The following RLIM variants were observed in gnomAD, a reference collection of about 807,000 sequenced individuals.
RLIM encodes the protein E3 ubiquitin-protein ligase RLIM.
In RLIM, 2 loss-of-function variants were observed where a neutral mutation model predicts 34.0. That is an observed-to-expected ratio of 0.06 (90% CI 0.02 to 0.19). The LOEUF (loss-of-function observed/expected upper bound fraction) is 0.19. Ranked by LOEUF, RLIM falls within the 10% of genes least tolerant of loss-of-function variation. The probability of loss-of-function intolerance (pLI) is 1.00; values close to 1 mark genes in which losing one functional copy is unlikely to be tolerated. For synonymous variants in RLIM, 169 were observed against 164.0 expected, an observed-to-expected ratio of 1.03 and a Z score of -0.23; for missense variants, 286 against 479.7, an observed-to-expected ratio of 0.60 and a Z score of 3.77.
At chrX:74,612,200 T>G (rs2079714742) in intron 1 of RLIM, among the ~76,000 whole-genome samples, 1 of 112,230 alleles carries the variant, frequency 8.9e-6, no homozygotes, top group Non-Finnish European at 1.9e-5. Context: ...AATTATACTC[T>G]CGTAAGCTAT....
chrX:74,608,752 A>G (rs1054060036), intron 1 of RLIM, among the ~76,000 whole-genome samples: 2 of 112,304 alleles, frequency 1.8e-5, no homozygotes, highest in African/African-American at 6.5e-5. Flanking sequence ...AAACGCTCTA[A>G]AACAGTTAAA....
Position 74,589,125 on chromosome X carries a change from A to T in RLIM, c.*2315T>A, listed in dbSNP as rs975620067. 1 of 111,784 alleles carries T rather than the reference A, an allele frequency of 8.9e-6. No individual in the cohort carries two copies. The highest frequency in any genetic ancestry group is 3.2e-5 in the African/African-American group (1 of 30,819). 9.2% of individuals were successfully genotyped at this position (111,784 alleles called of 1,213,427 possible). A position where few individuals can be genotyped will look rare whatever the true frequency, so the allele number is the denominator to read the frequency against. On this transcript the variant is annotated 3_prime_UTR_variant, in exon 4 of 4. Transcript: ENST00000332687. ...TCTGCTTGAGTTACCTCTTACTTTAATACTTCACAAATGAGTAAGTACGTC... is the reference window on the plus strand; with the variant it reads ...TCTGCTTGAGTTACCTCTTACTTTATTACTTCACAAATGAGTAAGTACGTC...
chrX:74,608,132 TG>T (rs1383404641), intron 1 of RLIM, among the ~76,000 whole-genome samples: 2 of 112,093 alleles, frequency 1.8e-5, no homozygotes, highest in East Asian at 5.6e-4. Flanking sequence ...GGTTGTAACT[TG>T]GTTATGTGGA....
chrX:74,597,984 TTCTTAATGAA>T (rs1185602759), intron 1 of RLIM, among the ~76,000 whole-genome samples: 1 of 112,278 alleles, frequency 8.9e-6, no homozygotes, highest in Non-Finnish European at 1.9e-5. Flanking sequence ...TTGATAATGT[TTCTTAATGAA>T]TCCATCCTAA....
At chrX:74,602,383 A>C (rs1290751350) in intron 1 of RLIM, among the ~76,000 whole-genome samples, 1 of 111,287 alleles carries the variant, frequency 9.0e-6, no homozygotes, top group East Asian at 2.8e-4. Flanking sequence ...GCTTTCATAG[A>C]CCACGGTGTT....
intron 1 of RLIM, among the ~76,000 whole-genome samples, chrX:74,602,097 G>A (rs1045122030): frequency 8.9e-6 from 1 of 111,871 alleles, no homozygotes; most frequent in Non-Finnish European, 1.9e-5. Context: ...TAAACAACTC[G>A]AAGCTGTGAG....
At chrX:74,599,575 G>C (rs1351397617) in intron 1 of RLIM, among the ~76,000 whole-genome samples, 1 of 111,146 alleles carries the variant, frequency 9.0e-6, no homozygotes, top group Non-Finnish European at 1.9e-5. Context: ...TGAGATTAAC[G>C]CTTTTATAAA....
chrX:74,607,385 C>A (rs1346307275), intron 1 of RLIM, among the ~76,000 whole-genome samples: 1 of 112,580 alleles, frequency 8.9e-6, no homozygotes, highest in Admixed American at 9.4e-5. Flanking sequence ...AAGGGCAATC[C>A]ATTTTGTTTG....
Position 74,595,855 on chromosome X carries a change from T to C in RLIM, c.123A>G (p.Glu41=), listed in dbSNP as rs779443798. 3.3e-6 allele frequency: 4 copies of C among 1,206,596 alleles called. No homozygotes were observed. Among genetic ancestry groups the C allele is most frequent in the Non-Finnish European group, 4.5e-6 (4 of 891,555 alleles). Residue 41 remains glutamate (E), a synonymous_variant, in exon 2 of 4, where the codon GAA becomes GAG. Coordinates refer to ENST00000332687, the MANE Select transcript of RLIM (RefSeq NM_016120.4). ...AFYQFVNNLS[E]EDYRLMRDNN... ...TATCTCTCATAAGCCTATAATCTTC[T>C]TCACTCAGGTTATTTACAAATTGAT...
chrX:74,596,657 T>C (rs140952035), intron 1 of RLIM, among the ~76,000 whole-genome samples: 12 of 112,561 alleles, frequency 1.1e-4, no homozygotes, highest in Admixed American at 2.8e-4. Flanking sequence ...TAAAGTTTTA[T>C]TGGAACGCAG....
chrX:74,595,581 C>T (rs144975893), intron 2 of RLIM, among the ~76,000 whole-genome samples: 1,451 of 111,617 alleles, frequency 0.013, 8 homozygotes, highest in Middle Eastern at 0.023. Flanking sequence ...CAATTCAGTT[C>T]GCTAAAAATT....
intron 1 of RLIM, among the ~76,000 whole-genome samples, chrX:74,601,515 CA>C (rs767497790): frequency 9.0e-6 from 1 of 110,844 alleles, no homozygotes. Context: ...TAAAAAAATA[CA>C]AACCCCCCCC....
intron 1 of RLIM, among the ~76,000 whole-genome samples, chrX:74,608,709 C>A (rs1275079484): frequency 8.9e-6 from 1 of 112,195 alleles, no homozygotes; most frequent in Non-Finnish European, 1.9e-5. Flanking sequence ...TCCTCATGTA[C>A]GCACCGACTT....
rs1001925785 is a variant in RLIM, at chrX:74,591,290, G to A, written c.*150C>T. The A allele has an allele frequency of 2.1e-6, 1 of 480,213 alleles. No homozygotes were observed. The highest frequency in any genetic ancestry group is 2.4e-5 in the African/African-American group (1 of 41,407). 39.6% of individuals were successfully genotyped at this position (480,213 alleles called of 1,213,427 possible). On this transcript the variant is annotated 3_prime_UTR_variant, in exon 4 of 4. Coordinates refer to ENST00000332687, the MANE Select transcript of RLIM (RefSeq NM_016120.4). The stretch of plus-strand genomic sequence containing the variant: ...TCCTTTTATTCTGGAACAAAAACTG[G>A]AGAAAGGACAATGATTCCTTCAGAA...
chrX:74,596,443 A>G (rs2079640468), intron 1 of RLIM, among the ~76,000 whole-genome samples: 1 of 111,293 alleles, frequency 9.0e-6, no homozygotes, highest in Admixed American at 9.6e-5. Flanking sequence ...ACAGGGTTTC[A>G]CCATGTTGGC....
intron 1 of RLIM, among the ~76,000 whole-genome samples, chrX:74,606,860 G>A (rs1337877984): frequency 5.4e-5 from 6 of 111,789 alleles, no homozygotes; most frequent in African/African-American, 9.8e-5. Flanking sequence ...TGCTGGCCGA[G>A]TGTGGTGGCC....
At chrX:74,602,358 C>T (rs759116139) in intron 1 of RLIM, among the ~76,000 whole-genome samples, 7 of 111,252 alleles carry the variant, frequency 6.3e-5, no homozygotes, top group Admixed American at 3.8e-4. Flanking sequence ...ATGAAACCTA[C>T]GAGAATCACA....
At position 74,584,279 on chromosome X, in the gene RLIM, A is replaced by T. The variant is rs1413802468; in HGVS notation, c.*7161T>A. ...TGCTACTTACTATGTGACCTGGGCA[A>T]ATTACCAAACATCTGTATCTCAGCT... On this transcript the variant is annotated 3_prime_UTR_variant, in exon 4 of 4. Transcript: ENST00000332687. Among the ~76,000 whole-genome samples, 1 of 111,629 alleles carries T rather than the reference A, an allele frequency of 9.0e-6. No individual in the cohort carries two copies. The highest frequency in any genetic ancestry group is 1.9e-5 in the Non-Finnish European group (1 of 53,174).
At chrX:74,598,374 T>C (rs181680652) in intron 1 of RLIM, among the ~76,000 whole-genome samples, 5 of 111,526 alleles carry the variant, frequency 4.5e-5, no homozygotes, top group African/African-American at 1.3e-4. Context: ...ACACCTGTAA[T>C]CTCAGCACTT....
Sources: gnomAD v4.1 joint callset for allele counts (sites outside exome capture counted in the v4.1 genomes callset) on GRCh38, gnomAD v4.1.1 for gene constraint, MANE v1.5 for transcripts, NCBI Gene and HGNC (gene_info 2026-07-23, HGNC 2026-07-21) for gene names.